CACNA1E: variants seen among roughly 807,000 people sequenced by gnomAD.
CACNA1E encodes voltage-dependent R-type calcium channel subunit alpha-1E.
CACNA1E carries 40 observed loss-of-function variants against 259.2 expected under a neutral mutation model. That is an observed-to-expected ratio of 0.15 (90% CI 0.12 to 0.20). The LOEUF (loss-of-function observed/expected upper bound fraction) is 0.20, where lower values mean the gene tolerates loss of function less well. CACNA1E is among the 10% of genes least tolerant of loss of function. CACNA1E has a pLI of 1.00. For synonymous variants in CACNA1E, 1,104 were observed against 1,138.5 expected (o/e 0.97, Z 0.61); for missense variants, 1,874 against 3,040.1 (o/e 0.62, Z 9.02).
intron 34 of CACNA1E, among the ~76,000 whole-genome samples, chr1:181,763,795 G>C (rs1658792547): frequency 6.6e-6 from 1 of 152,188 alleles, no homozygotes. Context: ...TCTGTCTGCT[G>C]AGGCAGGGGA....
chr1:181,772,344 C>T (rs1659591194), intron 37 of CACNA1E, 113 bp downstream of exon 37: 2 of 1,018,730 alleles, frequency 2.0e-6, no homozygotes, highest in East Asian at 2.4e-5. Context: ...CCTCCCTCCC[C>T]TCCTCTCTCC....
intron 34 of CACNA1E, among the ~76,000 whole-genome samples, chr1:181,765,131 G>A (rs1658910148): frequency 6.6e-6 from 1 of 152,090 alleles, no homozygotes; most frequent in Admixed American, 6.5e-5. Flanking sequence ...GATATAAAGA[G>A]CATCGCCATT....
intron 1 of CACNA1E, among the ~76,000 whole-genome samples, chr1:181,379,442 A>T: frequency 6.6e-6 from 1 of 152,228 alleles, no homozygotes. Flanking sequence ...AGGCATATCA[A>T]ATCAAAACCA....
chr1:181,657,676 A>G (rs1659317271), intron 7 of CACNA1E, among the ~76,000 whole-genome samples: 1 of 152,262 alleles, frequency 6.6e-6, no homozygotes, highest in African/African-American at 2.4e-5. Context: ...AAGGATTGGC[A>G]TGGAGAGAGA....
chr1:181,676,225 C>G (rs181933477), intron 7 of CACNA1E, among the ~76,000 whole-genome samples: 2 of 152,118 alleles, frequency 1.3e-5, no homozygotes, highest in African/African-American at 2.4e-5. Context: ...TTTTGCCCAC[C>G]ATACTCAAAT....
At chr1:181,710,885 C>T (rs1475471130) in intron 7 of CACNA1E, 69 bp from the exon 8 acceptor site, 2 of 1,102,712 alleles carry the variant, frequency 1.8e-6, no homozygotes, top group African/African-American at 1.5e-5. Flanking sequence ...CTCTCTGTTG[C>T]TTGATTCACT....
chr1:181,342,378 C>A (rs1177555601), intron 1 of CACNA1E, among the ~76,000 whole-genome samples: 1 of 151,776 alleles, frequency 6.6e-6, no homozygotes, highest in Non-Finnish European at 1.5e-5. Flanking sequence ...ATTTTGGCAC[C>A]AAGAGACATA....
At chr1:181,635,591 T>A (rs570845524) in intron 6 of CACNA1E, among the ~76,000 whole-genome samples, 1 of 152,324 alleles carries the variant, frequency 6.6e-6, no homozygotes, top group African/African-American at 2.4e-5. Context: ...AAGGGCTTAT[T>A]AAAACACAGA....
At chr1:181,684,227 G>A (rs967616196) in intron 7 of CACNA1E, among the ~76,000 whole-genome samples, 1 of 152,158 alleles carries the variant, frequency 6.6e-6, no homozygotes, top group African/African-American at 2.4e-5. Flanking sequence ...TTTCTCTAAT[G>A]ATTAGTGATG....
chr1:181,383,300 G>A (rs563935506), intron 1 of CACNA1E, among the ~76,000 whole-genome samples: 63 of 152,368 alleles, frequency 4.1e-4, no homozygotes, highest in African/African-American at 1.4e-3. Context: ...AGTGAAGGTT[G>A]TTTAATTGAA....
At chr1:181,623,410 C>T (rs1655903352) in intron 6 of CACNA1E, among the ~76,000 whole-genome samples, 1 of 152,096 alleles carries the variant, frequency 6.6e-6, no homozygotes, top group Non-Finnish European at 1.5e-5. Context: ...CAAATGTTTG[C>T]TGAATGATTA....
intron 1 of CACNA1E, among the ~76,000 whole-genome samples, chr1:181,484,422 C>T (rs751775329): frequency 2.0e-5 from 3 of 152,204 alleles, no homozygotes; most frequent in Admixed American, 6.5e-5. Flanking sequence ...CGTATCCCCA[C>T]CAACCAGGAG....
rs1662305921 is a variant in CACNA1E at position 181,801,960 on chromosome 1, C to T, written c.*3126C>T. 7.0e-6 allele frequency: 1 copy of T among 143,864 alleles called. No individual in the cohort carries two copies. The highest frequency in any genetic ancestry group is 2.4e-5 in the African/African-American group (1 of 40,914). 8.9% of individuals were successfully genotyped at this position (143,864 alleles called of 1,614,324 possible). Reference sequence around the variant, plus strand: ...CAGGGAGATGTTCTAAGTAGGTTTGCATTTAGTTACCCCTCATTTCACTTA... The same window carrying T: ...CAGGGAGATGTTCTAAGTAGGTTTGTATTTAGTTACCCCTCATTTCACTTA... On this transcript the variant is annotated 3_prime_UTR_variant, in exon 48 of 48. Transcript: ENST00000367573.
At chr1:181,654,281 A>C in intron 7 of CACNA1E, among the ~76,000 whole-genome samples, 1 of 151,230 alleles carries the variant, frequency 6.6e-6, no homozygotes, top group East Asian at 1.9e-4. Context: ...ATAATGTAAA[A>C]ATATAAGAAT....
At chr1:181,394,850 G>C (rs185894193) in intron 1 of CACNA1E, among the ~76,000 whole-genome samples, 35 of 152,330 alleles carry the variant, frequency 2.3e-4, no homozygotes, top group African/African-American at 7.5e-4. Context: ...ATGGAGGCCA[G>C]TGTGGCTGGA....
chr1:181,433,460 T>C (rs2102261736), intron 2 of CACNA1E, among the ~76,000 whole-genome samples: 1 of 152,330 alleles, frequency 6.6e-6, no homozygotes, highest in East Asian at 1.9e-4. Flanking sequence ...TTGCATTCCA[T>C]TGCCTTTAAA....
rs780719691 is a variant in CACNA1E at position 181,483,836 on chromosome 1, C to T, written c.92C>T (p.Pro31Leu). 2.0e-5 allele frequency: 32 copies of T among 1,613,590 alleles called. No individual in the cohort carries two copies. The highest frequency in any genetic ancestry group is 5.0e-5 in the Admixed American group (3 of 59,982). The change falls in exon 1 of 48, where the codon CCG becomes CTG. Residue 31 changes from proline (P) to leucine (L), a missense_variant. This residue lies in a region of CACNA1E where 110 missense variants were observed against 122.8 expected (regional missense o/e 0.90). Transcript: ENST00000367573. The part of the protein sequence containing the change: ...QSRNRQGTPV[P>L]ASGQAAAYKQ... ...AGGAACCGGCAAGGAACCCCCGTGC[C>T]GGCCTCGGGGCAGGCGGCCGCCTAC...
chr1:181,507,773 G>C (rs560551486), intron 1 of CACNA1E, among the ~76,000 whole-genome samples: 1 of 152,338 alleles, frequency 6.6e-6, no homozygotes, highest in East Asian at 1.9e-4. Context: ...GAGGTCTGCA[G>C]CTTGAACGAG....
chr1:181,501,765 G>A (rs1665267738), intron 1 of CACNA1E, among the ~76,000 whole-genome samples: 1 of 152,058 alleles, frequency 6.6e-6, no homozygotes, highest in African/African-American at 2.4e-5. Flanking sequence ...GTGTGTGTCT[G>A]TTCAGGACTG....
Sources: gnomAD v4.1 joint callset for allele counts (sites outside exome capture counted in the v4.1 genomes callset) on GRCh38, gnomAD v4.1.1 for gene constraint, gnomAD v4.1.1 regional missense constraint, MANE v1.5 for transcripts, NCBI Gene and HGNC (gene_info 2026-07-23, HGNC 2026-07-21) for gene names.